Variants in COL4A3 observed in about 807,000 individuals in gnomAD.
COL4A3 encodes the protein collagen type IV alpha 3 chain.
A neutral mutation model predicts 217.4 loss-of-function variants in COL4A3; 135 were observed. The observed-to-expected ratio is 0.62, with a 90% CI of 0.54 to 0.72. The LOEUF (loss-of-function observed/expected upper bound fraction) is 0.72. Among genes scored for constraint, COL4A3 ranks in the 30% least tolerant of loss-of-function variants. The pLI is 0.00. For synonymous variants in COL4A3, 690 were observed against 736.3 expected (o/e 0.94, Z 1.02); for missense variants, 1,868 against 2,119.9 (o/e 0.88, Z 2.33).
chr2:227,262,086 A>G (rs1472031819), intron 20 of COL4A3, among the ~76,000 whole-genome samples: 5 of 152,224 alleles, frequency 3.3e-5, no homozygotes, highest in Non-Finnish European at 7.3e-5. Context: ...TAATCAAAAT[A>G]AAGCAGACTG....
intron 1 of COL4A3, among the ~76,000 whole-genome samples, chr2:227,216,490 A>T (rs1445303475): frequency 6.6e-6 from 1 of 152,198 alleles, no homozygotes; most frequent in Non-Finnish European, 1.5e-5. Flanking sequence ...CTGATTTCTT[A>T]ATTAGTAGCA....
At chr2:227,171,962 C>T (rs1424134854) in intron 1 of COL4A3, among the ~76,000 whole-genome samples, 1 of 152,170 alleles carries the variant, frequency 6.6e-6, no homozygotes, top group East Asian at 1.9e-4. Flanking sequence ...TTGGGGTGGG[C>T]TGTCCGCATG....
At chr2:227,264,816 G>C (rs1260759056) in intron 21 of COL4A3, 2 of 152,174 alleles carry the variant, frequency 1.3e-5, no homozygotes, top group Non-Finnish European at 2.9e-5. Context: ...CTGGGATCTG[G>C]GCCCAGGTGC....
Position 227,279,789 on chromosome 2 carries a change from G to A in COL4A3, c.2126-4G>A, listed in dbSNP as rs765596584. 13 of 1,598,462 alleles carry A rather than the reference G, an allele frequency of 8.1e-6. No individual in the cohort carries two copies. The highest frequency in any genetic ancestry group is 1.1e-5 in the South Asian group (1 of 88,742). ...CAACAATGTTTATTGTTTTTTCTCTGTAGGAGACCAAGGTTTTCCAGGTAC... is the reference window on the plus strand; with the variant it reads ...CAACAATGTTTATTGTTTTTTCTCTATAGGAGACCAAGGTTTTCCAGGTAC... On this transcript the variant is annotated splice_region_variant and splice_polypyrimidine_tract_variant and intron_variant, in intron 28 of 51. Coordinates refer to ENST00000396578, the MANE Select transcript of COL4A3 (RefSeq NM_000091.5).
intron 1 of COL4A3, among the ~76,000 whole-genome samples, chr2:227,224,344 G>GT (rs11370769): frequency 0.85 from 128,901 of 152,190 alleles, 54,771 homozygotes; most frequent in Admixed American, 0.89. Flanking sequence ...CTCAACCATT[G>GT]TCTTTAAAAT....
chr2:227,310,831 G>A lies in COL4A3; in HGVS notation c.4811G>A (p.Cys1604Tyr). The A allele has an allele frequency of 6.2e-7, 1 of 1,614,178 alleles. No homozygotes were observed. Among genetic ancestry groups the A allele is most frequent in the Middle Eastern group, 1.6e-4 (1 of 6,062 alleles). The change falls in exon 51 of 52, where the codon TGC becomes TAC. Residue 1604 changes from cysteine (C) to tyrosine (Y), a missense_variant. By Grantham distance (194) the Cys-to-Tyr change is radical. Around this residue, in one of 2 missense-constraint regions of COL4A3, gnomAD observed 1,503 missense variants for 1,786.1 expected, o/e 0.84. Transcript: ENST00000396578. ...CAAGCACTGGCCTCCCCTGGCTCCT[G>A]CCTGGAAGAATTCCGAGCCAGCCCA... ...TGQALASPGS[C>Y]LEEFRASPFL...
Position 227,259,849 on chromosome 2 carries a change from A to G in COL4A3, c.1086A>G (p.Pro362=), listed in dbSNP as rs779396431. 11 of 1,613,578 alleles carry G rather than the reference A, an allele frequency of 6.8e-6. No individual in the cohort carries two copies. The highest frequency in any genetic ancestry group is 9.3e-6 in the Non-Finnish European group (11 of 1,179,480). The change falls in exon 19 of 52, where the codon CCA becomes CCG. Residue 362 remains proline, a synonymous_variant. Transcript: ENST00000396578. The part of the protein sequence containing the change: ...EKGDEGTPGP[P]GPRGARGPQG... The stretch of plus-strand genomic sequence containing the variant: ...GAGATGAAGGCACTCCAGGCCCACC[A>G]GGGCCCAGAGGAGCTCGTGGCCCAC...
intron 26 of COL4A3, among the ~76,000 whole-genome samples, chr2:227,275,761 C>A (rs1178395980): frequency 6.6e-6 from 1 of 152,150 alleles, no homozygotes; most frequent in African/African-American, 2.4e-5. Flanking sequence ...AAACCAATGT[C>A]AGCCTTGCCC....
chr2:227,267,042 CG>C lies in COL4A3; in HGVS notation c.1460del (p.Gly487ValfsTer11). ...TQCPYIPGPP[G>X]LPGLPGLHGV... ...AGTGCCCTTATATCCCAGGGCCTCC[CG>C]GTCTCCCAGGATTGCCAGGGTTACA... On this transcript the variant is annotated frameshift_variant, in exon 23 of 52. Transcript: ENST00000396578. LOFTEE classifies it high-confidence loss of function. 6.2e-7 allele frequency: 1 copy of C among 1,613,938 alleles called. No individual in the cohort carries two copies. Among genetic ancestry groups the C allele is most frequent in the East Asian group, 2.2e-5 (1 of 44,856 alleles).
chr2:227,255,079 G>A (rs1384713888), intron 15 of COL4A3, among the ~76,000 whole-genome samples: 2 of 152,172 alleles, frequency 1.3e-5, no homozygotes, highest in Non-Finnish European at 2.9e-5. Flanking sequence ...GAGAAAGAGA[G>A]CATATTTCTC....
chr2:227,213,792 C>T (rs1381489932), intron 1 of COL4A3, among the ~76,000 whole-genome samples: 1 of 151,122 alleles, frequency 6.6e-6, no homozygotes, highest in Non-Finnish European at 1.5e-5. Context: ...AACCCAGCTA[C>T]TCGGGAGGCT....
At chr2:227,293,151 G>T in intron 37 of COL4A3, 40 bp from the exon 38 acceptor site, 1 of 1,612,528 alleles carries the variant, frequency 6.2e-7, no homozygotes, top group Non-Finnish European at 8.5e-7. Context: ...CACATATCCT[G>T]CTTATATGAG....
At position 227,311,741 on chromosome 2, in the gene COL4A3, T is replaced by C. The variant is rs758875862; in HGVS notation, c.4929-45T>C. The C allele has an allele frequency of 1.9e-6, 3 of 1,585,490 alleles. No homozygotes were observed. In the Admixed American group the frequency reaches 5.1e-5, roughly 27 times the overall value. On this transcript the variant is annotated intron_variant, in intron 51 of 51. Transcript: ENST00000396578. ...AAAACAAACTCAGCAAAAATTCCCTTTTATGCATAAATAAATGAATTTTTT... is the reference window on the plus strand; with the variant it reads ...AAAACAAACTCAGCAAAAATTCCCTCTTATGCATAAATAAATGAATTTTTT...
chr2:227,231,899 CTT>C lies in COL4A3; in HGVS notation c.88-6068_88-6067del, dbSNP rs1268287992. ...TCACCCTACTGTGCTACCAAATAGTCTTATTCATTCTAATTTTTTTTTGTACC... is the reference window on the plus strand; with the variant it reads ...TCACCCTACTGTGCTACCAAATAGTCATTCATTCTAATTTTTTTTTGTACC... On this transcript the variant is annotated intron_variant, in intron 1 of 51. Coordinates refer to ENST00000396578, the MANE Select transcript of COL4A3 (RefSeq NM_000091.5). Among the ~76,000 whole-genome samples, 3 of 81,488 alleles carry C rather than the reference CTT, an allele frequency of 3.7e-5. No individual in the cohort carries two copies. The Admixed American group carries it at 4.7e-4, about 13-fold the overall frequency. The allele number at this position is 81,488 out of a possible 152,430, so 53.5% of individuals were successfully genotyped here.
intron 1 of COL4A3, among the ~76,000 whole-genome samples, chr2:227,211,458 T>A (rs1479726336): frequency 2.6e-5 from 4 of 152,322 alleles, no homozygotes; most frequent in Middle Eastern, 6.8e-3. Context: ...TTTGTCCTGA[T>A]GCAAGTATGT....
At chr2:227,239,100 C>T (rs139506867) in intron 2 of COL4A3, among the ~76,000 whole-genome samples, 36 of 152,210 alleles carry the variant, frequency 2.4e-4, no homozygotes, top group African/African-American at 7.2e-4. Context: ...CCAAATCAGC[C>T]GGTGGCCTTT....
At chr2:227,299,108 C>T (rs1488494311) in intron 43 of COL4A3, among the ~76,000 whole-genome samples, 1 of 152,102 alleles carries the variant, frequency 6.6e-6, no homozygotes, top group Non-Finnish European at 1.5e-5. Context: ...ATAAAACCAT[C>T]AGATCGGCCG....
At chr2:227,301,600 CTG>C (rs1416384328) in intron 43 of COL4A3, among the ~76,000 whole-genome samples, 1 of 152,228 alleles carries the variant, frequency 6.6e-6, no homozygotes, top group African/African-American at 2.4e-5. Flanking sequence ...CCAAAGGACA[CTG>C]GGATATATAA....
At position 227,311,838 on chromosome 2, in the gene COL4A3, C is replaced by T. The variant is rs201697532; in HGVS notation, c.4981C>T (p.Arg1661Cys). ...TGGGGAATTAGAAAAAATAATAAGT[C>T]GCTGTCAGGTGTGCATGAAGAAAAG... ...KAGELEKIIS[R>C]CQVCMKKRH Residue 1661 changes from arginine to cysteine, a missense_variant, in exon 52 of 52, where the codon CGC becomes TGC. Transcript: ENST00000396578. 5.9e-4 allele frequency: 953 copies of T among 1,613,914 alleles called. 3 individuals carry two copies. The highest frequency in any genetic ancestry group is 7.3e-4 in the Non-Finnish European group (860 of 1,179,912).
Sources: allele counts gnomAD v4.1 joint callset (sites outside exome capture counted in the v4.1 genomes callset), GRCh38; gene constraint gnomAD v4.1.1; regional missense constraint gnomAD v4.1.1; transcripts MANE v1.5; gene names NCBI Gene and HGNC (gene_info 2026-07-23, HGNC 2026-07-21).